The following ABHD2 variants were observed in gnomAD, a reference collection of about 807,000 sequenced individuals.
ABHD2 encodes the protein abhydrolase domain containing 2, acylglycerol lipase.
ABHD2 carries 20 observed loss-of-function variants against 48.1 expected under a neutral mutation model. The ratio of observed to expected loss-of-function variants is 0.42; its 90% CI spans 0.29 to 0.60. ABHD2 has a LOEUF of 0.60. Ranked by LOEUF, ABHD2 falls within the 20% of genes least tolerant of loss-of-function variation. The pLI is 0.24. For missense variants in ABHD2, 405 were observed against 550.9 expected (o/e 0.74, Z 2.65); for synonymous variants, 209 against 214.2 (o/e 0.98, Z 0.21).
Position 89,200,978 on chromosome 15 carries a change from A to G in ABHD2, c.*5555A>G, listed in dbSNP as rs1596176233. ...GCGCCTGTAATCCCAGCTACTCGGGAGGCTGAGGTGGGAGAATTGCTTGAA... is the reference window on the plus strand; with the variant it reads ...GCGCCTGTAATCCCAGCTACTCGGGGGGCTGAGGTGGGAGAATTGCTTGAA... On this transcript the variant is annotated 3_prime_UTR_variant, in exon 11 of 11. Transcript: ENST00000352732. 1 of 513,940 alleles carries G rather than the reference A, an allele frequency of 1.9e-6. No homozygotes were observed. The highest frequency in any genetic ancestry group is 3.5e-5 in the East Asian group (1 of 28,478). 31.8% of individuals were successfully genotyped at this position (513,940 alleles called of 1,614,324 possible). A position where few individuals can be genotyped will look rare whatever the true frequency, so the allele number is the denominator to read the frequency against.
intron 4 of ABHD2, among the ~76,000 whole-genome samples, chr15:89,152,945 G>GT (rs144488019): frequency 4.3e-4 from 65 of 151,914 alleles, no homozygotes; most frequent in South Asian, 8.3e-4. Flanking sequence ...CTTATTTTTT[G>GT]TTTTTTTTAA....
the ABHD2 span, among the ~76,000 whole-genome samples, chr15:89,057,995 C>T: frequency 4.6e-5 from 7 of 152,196 alleles, no homozygotes; most frequent in Non-Finnish European, 8.8e-5. Context: ...AGCCCACCAA[C>T]ATTTGTGGGG....
the ABHD2 span, among the ~76,000 whole-genome samples, chr15:89,071,490 G>A: frequency 6.6e-6 from 1 of 152,198 alleles, no homozygotes; most frequent in Non-Finnish European, 1.5e-5. Flanking sequence ...AGCAGTGGCA[G>A]ACTGGACAGG....
At position 89,097,316 on chromosome 15, in the gene ABHD2, C is replaced by G. The variant is rs2049629150; in HGVS notation, c.-107+8753C>G. Among the ~76,000 whole-genome samples, 2 of 152,264 alleles carry G rather than the reference C, an allele frequency of 1.3e-5. No homozygotes were observed. Among genetic ancestry groups the G allele is most frequent in the South Asian group, 4.1e-4 (2 of 4,822 alleles). Reference sequence around the variant, plus strand: ...ATATAGTTGCATCTGTAAATATTTCCATGATAATTCTTAAATATAAAGACT... The same window carrying G: ...ATATAGTTGCATCTGTAAATATTTCGATGATAATTCTTAAATATAAAGACT... On this transcript the variant is annotated intron_variant, in intron 1 of 10. Transcript: ENST00000352732. This position sits in a 1 kb window ranked among gnomAD's most constrained non-coding sequence, Gnocchi z 4.2.
rs1480006627 is a variant in ABHD2 at position 89,179,317 on chromosome 15, G to A, written c.722+3322G>A. On this transcript the variant is annotated intron_variant, in intron 6 of 10. Coordinates refer to ENST00000352732, the MANE Select transcript of ABHD2 (RefSeq NM_152924.5). This position sits in a 1 kb window ranked among gnomAD's most constrained non-coding sequence, Gnocchi z 4.3. ...GGGCAAAGCAGTAGGGAAGCAGTGG[G>A]TGAACCTTCATCTGTATTTAGTCTC... is the stretch of plus-strand genomic sequence containing the variant. 2.0e-5 allele frequency among the ~76,000 whole-genome samples: 3 copies of A among 152,212 alleles called. No individual in the cohort carries two copies. The highest frequency in any genetic ancestry group is 4.4e-5 in the Non-Finnish European group (3 of 68,048).
chr15:89,090,512 T>A (rs1303328778), intron 1 of ABHD2: 1 of 140,430 alleles, frequency 7.1e-6, no homozygotes, highest in Middle Eastern at 3.5e-3. Flanking sequence ...ATTTAACATA[T>A]TCCAGATTTC....
At chr15:89,129,623 G>T (rs777249794) in intron 3 of ABHD2, among the ~76,000 whole-genome samples, 1 of 152,044 alleles carries the variant, frequency 6.6e-6, no homozygotes, top group Non-Finnish European at 1.5e-5. Context: ...TGAAGTTAGC[G>T]AGCTGTTGCC....
At position 89,182,505 on chromosome 15, in the gene ABHD2, G is replaced by T. The variant is rs1057208760; in HGVS notation, c.723-2919G>T. ...GCAAGTCAAGAACTTGGATATTCAG[G>T]CCAGGTGAAGTGCCTCACGCCTGTA... is the stretch of plus-strand genomic sequence containing the variant. On this transcript the variant is annotated intron_variant, in intron 6 of 10. Transcript: ENST00000352732. This position sits in a 1 kb window ranked among gnomAD's most constrained non-coding sequence, Gnocchi z 4.8. 6.6e-6 allele frequency among the ~76,000 whole-genome samples: 1 copy of T among 152,204 alleles called. No individual in the cohort carries two copies. The highest frequency in any genetic ancestry group is 2.1e-4 in the South Asian group (1 of 4,824).
the ABHD2 span, among the ~76,000 whole-genome samples, chr15:89,052,068 C>A: frequency 8.5e-5 from 13 of 152,246 alleles, no homozygotes; most frequent in African/African-American, 2.6e-4. Flanking sequence ...GGAACAATAC[C>A]ATACATGGAG....
the ABHD2 span, among the ~76,000 whole-genome samples, chr15:89,055,776 G>T: frequency 2.4e-3 from 362 of 151,958 alleles, 3 homozygotes; most frequent in East Asian, 0.019. Context: ...GTGAGATGAA[G>T]TGAGATGAAT....
rs2051168978 is a variant in ABHD2 at position 89,184,327 on chromosome 15, TA to T, written c.723-1091del. 6.6e-6 allele frequency among the ~76,000 whole-genome samples: 1 copy of T among 152,008 alleles called. No homozygotes were observed. The highest frequency in any genetic ancestry group is 6.5e-5 in the Admixed American group (1 of 15,270). On this transcript the variant is annotated intron_variant, in intron 6 of 10. Transcript: ENST00000352732. This position sits in a 1 kb window ranked among gnomAD's most constrained non-coding sequence, Gnocchi z 5.1. ...TAAACTCCCTGGATTGAAAAAATAA[TA>T]AAAAACAAAACAAAAAACCTTACAA...
In ABHD2 at chr15:89,201,846, C is replaced by T. The variant is rs1054256088; in HGVS notation, c.*6423C>T. On this transcript the variant is annotated 3_prime_UTR_variant, in exon 11 of 11. Transcript: ENST00000352732. Reference sequence around the variant, plus strand: ...CAGGGGGCGGCTTGCTCGCTGGGGGCGGGGGACGATGGCGAGAGGGGAGGG... The same window carrying T: ...CAGGGGGCGGCTTGCTCGCTGGGGGTGGGGGACGATGGCGAGAGGGGAGGG... 8.2e-6 allele frequency: 8 copies of T among 976,980 alleles called. No homozygotes were observed. The East Asian group carries it at 1.2e-4, about 15-fold the overall frequency. 60.5% of individuals were successfully genotyped at this position (976,980 alleles called of 1,614,324 possible). A position where few individuals can be genotyped will look rare whatever the true frequency, so the allele number is the denominator to read the frequency against.
chr15:89,106,087 G>A lies in ABHD2; in HGVS notation c.-106-7638G>A, dbSNP rs1336062767. ...CCAGCACTTTGGGAGGCCGAGGCAG[G>A]TGGATCACCTGAGGTCAGGAGTTCG... On this transcript the variant is annotated intron_variant, in intron 1 of 10. Coordinates refer to ENST00000352732, the MANE Select transcript of ABHD2 (RefSeq NM_152924.5). This position sits in a 1 kb window ranked among gnomAD's most constrained non-coding sequence, Gnocchi z 4.2. Among the ~76,000 whole-genome samples, 2 of 152,160 alleles carry A rather than the reference G, an allele frequency of 1.3e-5. No homozygotes were observed. Among genetic ancestry groups the A allele is most frequent in the Non-Finnish European group, 2.9e-5 (2 of 68,032 alleles).
At chr15:89,163,951 G>C (rs1288966285) in intron 5 of ABHD2, among the ~76,000 whole-genome samples, 2 of 152,198 alleles carry the variant, frequency 1.3e-5, no homozygotes, top group Non-Finnish European at 2.9e-5. Context: ...CCGTGCTCCT[G>C]AACAACAGGC....
intron 3 of ABHD2, among the ~76,000 whole-genome samples, chr15:89,142,958 T>C (rs983763773): frequency 6.6e-6 from 1 of 152,150 alleles, no homozygotes. Context: ...TTTGGGAAAA[T>C]ATTTTCTAAA....
At chr15:89,165,911 T>C (rs1274939007) in intron 5 of ABHD2, among the ~76,000 whole-genome samples, 1 of 152,212 alleles carries the variant, frequency 6.6e-6, no homozygotes, top group Non-Finnish European at 1.5e-5. Flanking sequence ...TTTGGCCGAG[T>C]GCCTTATCCC....
chr15:89,064,430 G>A, the ABHD2 span, among the ~76,000 whole-genome samples: 4 of 151,658 alleles, frequency 2.6e-5, no homozygotes, highest in African/African-American at 7.3e-5. Context: ...GGGTTTCACC[G>A]TGTTAGCCAG....
At chr15:89,061,637 A>G in the ABHD2 span, among the ~76,000 whole-genome samples, 2 of 152,030 alleles carry the variant, frequency 1.3e-5, no homozygotes, top group Non-Finnish European at 2.9e-5. Flanking sequence ...CAGTGGCACA[A>G]TCTCAGCTCG....
chr15:89,092,961 G>C lies in ABHD2; in HGVS notation c.-107+4398G>C, dbSNP rs189466128. Among the ~76,000 whole-genome samples the C allele has an allele frequency of 1.3e-5, 2 of 152,080 alleles. No individual in the cohort carries two copies. Among genetic ancestry groups the C allele is most frequent in the Non-Finnish European group, 2.9e-5 (2 of 68,008 alleles). ...ATATTTTTCTTTTCTGTGAGAGCCC[G>C]GGGGAGGTGCAGGGGAGCTTCTAAA... is the stretch of plus-strand genomic sequence containing the variant. On this transcript the variant is annotated intron_variant, in intron 1 of 10. Transcript: ENST00000352732. This position sits in a 1 kb window ranked among gnomAD's most constrained non-coding sequence, Gnocchi z 4.4.
Sources: gnomAD v4.1 joint callset for allele counts (sites outside exome capture counted in the v4.1 genomes callset) on GRCh38, gnomAD v4.1.1 for gene constraint, Gnocchi (gnomAD v3.1) non-coding constraint, MANE v1.5 for transcripts, NCBI Gene and HGNC (gene_info 2026-07-23, HGNC 2026-07-21) for gene names.